EBF2: variants seen among roughly 807,000 people sequenced by gnomAD.
The protein encoded by EBF2 is EBF transcription factor 2.
A neutral mutation model predicts 72.8 loss-of-function variants in EBF2; 21 were observed. That is an observed-to-expected ratio of 0.29 (90% CI 0.20 to 0.42). The LOEUF is 0.42. Ranked by LOEUF, EBF2 falls within the 10% of genes least tolerant of loss-of-function variation. The probability of loss-of-function intolerance (pLI) is 1.00; values close to 1 mark genes in which losing one functional copy is unlikely to be tolerated. For synonymous variants in EBF2, 299 were observed against 274.2 expected (o/e 1.09, Z -0.89); for missense variants, 637 against 731.2 (o/e 0.87, Z 1.49).
At chr8:25,911,382 A>G (rs988672602) in intron 6 of EBF2, among the ~76,000 whole-genome samples, 3 of 152,220 alleles carry the variant, frequency 2.0e-5, no homozygotes, top group African/African-American at 7.2e-5. Flanking sequence ...AGCGAACACT[A>G]ACAATCACAG....
rs1805665781 is a variant in EBF2 at position 26,044,440 on chromosome 8, G to A, written c.131+289C>T. On this transcript the variant is annotated intron_variant, in intron 1 of 15. Transcript: ENST00000520164. This position sits in a 1 kb window ranked among gnomAD's most constrained non-coding sequence, Gnocchi z 4.1. ...AGGACTAGGGGCTGAGCTGGGAGATGTTGGGGGCTACTTTATTTTTCCTTG... is the reference window on the plus strand; with the variant it reads ...AGGACTAGGGGCTGAGCTGGGAGATATTGGGGGCTACTTTATTTTTCCTTG... Among the ~76,000 whole-genome samples the A allele has an allele frequency of 6.6e-6, 1 of 152,242 alleles. No individual in the cohort carries two copies. The highest frequency in any genetic ancestry group is 1.5e-5 in the Non-Finnish European group (1 of 68,026).
At chr8:25,879,281 A>G (rs1479970542) in intron 10 of EBF2, among the ~76,000 whole-genome samples, 1 of 152,222 alleles carries the variant, frequency 6.6e-6, no homozygotes, top group African/African-American at 2.4e-5. Context: ...AAAAAAGTGT[A>G]GAAGATGTTC....
intron 6 of EBF2, among the ~76,000 whole-genome samples, chr8:25,956,868 A>C (rs947888277): frequency 2.0e-5 from 3 of 152,232 alleles, no homozygotes; most frequent in African/African-American, 4.8e-5. Flanking sequence ...AAGGTAATCC[A>C]GACTATTATA....
intron 10 of EBF2, among the ~76,000 whole-genome samples, chr8:25,867,466 C>T (rs1269904278): frequency 6.6e-6 from 1 of 152,210 alleles, no homozygotes; most frequent in Non-Finnish European, 1.5e-5. Flanking sequence ...ACCCTCCCAC[C>T]CACTGGCTTC....
At chr8:25,975,975 C>A (rs1264888404) in intron 6 of EBF2, among the ~76,000 whole-genome samples, 1 of 152,130 alleles carries the variant, frequency 6.6e-6, no homozygotes, top group Non-Finnish European at 1.5e-5. Context: ...CAATCTTAAT[C>A]TTTATGAACT....
chr8:25,884,607 C>T (rs1802659858), intron 10 of EBF2, among the ~76,000 whole-genome samples: 3 of 152,172 alleles, frequency 2.0e-5, no homozygotes, highest in South Asian at 2.1e-4. Context: ...AGTTGGGGGA[C>T]TTTACCTTCC....
chr8:25,866,696 A>C (rs1468418290), intron 10 of EBF2, among the ~76,000 whole-genome samples: 2 of 144,118 alleles, frequency 1.4e-5, no homozygotes, highest in South Asian at 2.2e-4. Context: ...CAATGGCATG[A>C]TCTTGGCTCA....
chr8:26,005,582 A>C (rs1804865014), intron 6 of EBF2, among the ~76,000 whole-genome samples: 1 of 106,310 alleles, frequency 9.4e-6, no homozygotes, highest in African/African-American at 3.7e-5. Context: ...AGAGAGAGGT[A>C]TTTTGGGAAC....
At chr8:25,869,553 G>A (rs1412725929) in intron 10 of EBF2, among the ~76,000 whole-genome samples, 2 of 152,092 alleles carry the variant, frequency 1.3e-5, no homozygotes, top group Non-Finnish European at 2.9e-5. Context: ...TTTCCTGAAA[G>A]TATCCTCTAA....
At chr8:25,991,400 T>C (rs1167525788) in intron 6 of EBF2, among the ~76,000 whole-genome samples, 2 of 152,232 alleles carry the variant, frequency 1.3e-5, no homozygotes, top group African/African-American at 4.8e-5. Flanking sequence ...AGGCCCATTG[T>C]ATGCCAGGAA....
intron 14 of EBF2, among the ~76,000 whole-genome samples, chr8:25,851,455 C>G (rs1241039602): frequency 6.6e-6 from 1 of 151,988 alleles, no homozygotes; most frequent in Non-Finnish European, 1.5e-5. Flanking sequence ...AAGACAAAAG[C>G]CAAGCATTAT....
intron 6 of EBF2, among the ~76,000 whole-genome samples, chr8:25,994,535 T>G (rs1052470525): frequency 1.3e-5 from 2 of 152,196 alleles, no homozygotes; most frequent in African/African-American, 4.8e-5. Context: ...TCAGATCAAC[T>G]TAGATGCCCC....
intron 6 of EBF2, among the ~76,000 whole-genome samples, chr8:25,958,919 C>G (rs1803992390): frequency 6.6e-6 from 1 of 152,168 alleles, no homozygotes; most frequent in Non-Finnish European, 1.5e-5. Flanking sequence ...AAAATCAAGT[C>G]TGGAAGCTTT....
chr8:25,974,061 G>C (rs1804230221), intron 6 of EBF2, among the ~76,000 whole-genome samples: 1 of 152,140 alleles, frequency 6.6e-6, no homozygotes, highest in Non-Finnish European at 1.5e-5. Flanking sequence ...ACATCTCTAT[G>C]AGAATTCCAA....
intron 6 of EBF2, among the ~76,000 whole-genome samples, chr8:25,954,627 A>G (rs754713190): frequency 6.6e-6 from 1 of 152,122 alleles, no homozygotes; most frequent in African/African-American, 2.4e-5. Flanking sequence ...CCACATGCTT[A>G]TTTGGATTGT....
At chr8:25,940,314 C>T (rs945955040) in intron 6 of EBF2, among the ~76,000 whole-genome samples, 18 of 152,290 alleles carry the variant, frequency 1.2e-4, no homozygotes, top group African/African-American at 4.3e-4. Flanking sequence ...TTACTAGCTG[C>T]GCATTTTACT....
intron 6 of EBF2, among the ~76,000 whole-genome samples, chr8:26,030,455 T>C (rs948539930): frequency 3.3e-5 from 5 of 151,878 alleles, no homozygotes; most frequent in African/African-American, 1.2e-4. Flanking sequence ...GGGAGAGCAT[T>C]AGGAGATATA....
At position 26,044,714 on chromosome 8, in the gene EBF2, C is replaced by G. The variant is rs778844254; in HGVS notation, c.131+15G>C. 2 of 1,612,586 alleles carry G rather than the reference C, an allele frequency of 1.2e-6. No homozygotes were observed. On this transcript the variant is annotated intron_variant, in intron 1 of 15. Transcript: ENST00000520164. This position sits in a 1 kb window ranked among gnomAD's most constrained non-coding sequence, Gnocchi z 4.1. ...AGCGAGAGACAGCATAATAATTGCGCGGCCGTGTCGTTACCTCTGCGCGGC... is the reference window on the plus strand; with the variant it reads ...AGCGAGAGACAGCATAATAATTGCGGGGCCGTGTCGTTACCTCTGCGCGGC...
At chr8:25,896,438 A>G (rs1802865237) in intron 7 of EBF2, among the ~76,000 whole-genome samples, 3 of 152,176 alleles carry the variant, frequency 2.0e-5, no homozygotes, top group Admixed American at 6.5e-5. Context: ...ATGTGCATAC[A>G]CTCAGCTAAA....
Sources: allele counts gnomAD v4.1 joint callset (sites outside exome capture counted in the v4.1 genomes callset), GRCh38; gene constraint gnomAD v4.1.1; non-coding constraint Gnocchi (gnomAD v3.1); transcripts MANE v1.5; gene names NCBI Gene and HGNC (gene_info 2026-07-23, HGNC 2026-07-21).